DPP10: variants seen among roughly 807,000 people sequenced by gnomAD.
DPP10 encodes the protein inactive dipeptidyl peptidase 10.
DPP10 carries 33 observed loss-of-function variants against 120.9 expected under a neutral mutation model. The ratio of observed to expected loss-of-function variants is 0.27; its 90% CI spans 0.21 to 0.37. The LOEUF (loss-of-function observed/expected upper bound fraction) is 0.37. Ranked by LOEUF, DPP10 falls within the 10% of genes least tolerant of loss-of-function variation. The probability of loss-of-function intolerance (pLI) is 1.00; values close to 1 mark genes in which losing one functional copy is unlikely to be tolerated. For missense variants in DPP10, 816 were observed against 942.8 expected, an observed-to-expected ratio of 0.87 and a Z score of 1.76; for synonymous variants, 337 against 326.1, an observed-to-expected ratio of 1.03 and a Z score of -0.36.
chr2:114,656,941 T>C (rs906788224), intron 1 of DPP10, among the ~76,000 whole-genome samples: 1 of 152,098 alleles, frequency 6.6e-6, no homozygotes, highest in African/African-American at 2.4e-5. Flanking sequence ...AAATAAAAAA[T>C]AAGATCAACT....
intron 9 of DPP10, among the ~76,000 whole-genome samples, chr2:115,744,072 A>G (rs78257408): frequency 0.02 from 3,005 of 150,774 alleles, 127 homozygotes; most frequent in African/African-American, 0.067. Context: ...ATGTTTTATT[A>G]AAATTTGCAC....
chr2:115,681,911 C>A (rs1048956666), intron 5 of DPP10, among the ~76,000 whole-genome samples: 24 of 151,598 alleles, frequency 1.6e-4, no homozygotes, highest in Admixed American at 3.9e-4. Context: ...TGAAGACAAC[C>A]TTTTCTCCAA....
chr2:115,045,940 G>A (rs114572203), intron 1 of DPP10, among the ~76,000 whole-genome samples: 2,711 of 152,166 alleles, frequency 0.018, 75 homozygotes, highest in African/African-American at 0.063. Context: ...AATCTTATGA[G>A]TAATTTTCTC....
intron 5 of DPP10, among the ~76,000 whole-genome samples, chr2:115,629,392 C>T (rs962121087): frequency 1.3e-5 from 2 of 152,038 alleles, no homozygotes; most frequent in African/African-American, 4.8e-5. Context: ...AATTGCCACA[C>T]TGACTTCCAC....
intron 1 of DPP10, among the ~76,000 whole-genome samples, chr2:115,109,212 A>T (rs55851152): frequency 0.21 from 31,300 of 151,970 alleles, 3,962 homozygotes; most frequent in East Asian, 0.36. Flanking sequence ...CTTAACCCTA[A>T]TGCTTTCTAG....
At chr2:114,617,129 G>A (rs1159612488) in intron 1 of DPP10, among the ~76,000 whole-genome samples, 1 of 152,062 alleles carries the variant, frequency 6.6e-6, no homozygotes, top group Admixed American at 6.6e-5. Context: ...AAGTGACAAA[G>A]GAGTGGAAAA....
At chr2:115,722,299 T>C (rs1437375001) in intron 7 of DPP10, among the ~76,000 whole-genome samples, 1 of 151,572 alleles carries the variant, frequency 6.6e-6, no homozygotes, top group South Asian at 2.1e-4. Context: ...TTCCTAGCCT[T>C]TTCTGCTTGA....
intron 1 of DPP10, among the ~76,000 whole-genome samples, chr2:115,266,811 G>A (rs555361234): frequency 6.6e-6 from 1 of 152,262 alleles, no homozygotes; most frequent in South Asian, 2.1e-4. Context: ...TATAATTGCT[G>A]TATAGTGAAA....
intron 1 of DPP10, among the ~76,000 whole-genome samples, chr2:114,893,272 A>G (rs1692690550): frequency 6.6e-6 from 1 of 152,218 alleles, no homozygotes; most frequent in Non-Finnish European, 1.5e-5. Context: ...TATATTGCGT[A>G]TCTATTATGA....
At chr2:115,136,146 A>G (rs1159212329) in intron 1 of DPP10, among the ~76,000 whole-genome samples, 2 of 139,370 alleles carry the variant, frequency 1.4e-5, no homozygotes, top group Non-Finnish European at 1.5e-5. Context: ...ACAAAACAGC[A>G]GCTACCTGGT....
intron 8 of DPP10, among the ~76,000 whole-genome samples, chr2:115,732,770 G>A (rs1003182074): frequency 1.3e-5 from 2 of 152,082 alleles, no homozygotes; most frequent in Admixed American, 6.6e-5. Context: ...ATGCTTAAGT[G>A]ATTTACAGAT....
At chr2:114,671,095 T>C (rs1698307381) in intron 1 of DPP10, among the ~76,000 whole-genome samples, 1 of 152,162 alleles carries the variant, frequency 6.6e-6, no homozygotes, top group East Asian at 1.9e-4. Context: ...CTGGCTAAAC[T>C]ATAGTTATTG....
At chr2:115,064,676 G>T (rs774353896) in intron 1 of DPP10, 5 of 1,295,190 alleles carry the variant, frequency 3.9e-6, no homozygotes, top group South Asian at 1.2e-5. Context: ...ATGAGTGAGT[G>T]ACATGCAAGG....
At position 115,745,725 on chromosome 2, in the gene DPP10, C is replaced by T. The variant is rs140033622; in HGVS notation, c.853-361C>T. On this transcript the variant is annotated intron_variant, in intron 9 of 25. Coordinates refer to ENST00000410059, the MANE Select transcript of DPP10 (RefSeq NM_020868.6). The stretch of plus-strand genomic sequence containing the variant: ...ACCTTCTTCCCATTGCATTTCATAT[C>T]CTCTAATGTGAATAACTACTTGATC... 5.2e-3 allele frequency among the ~76,000 whole-genome samples: 742 copies of T among 142,484 alleles called. 36 individuals carry two copies. The highest frequency in any genetic ancestry group is 7.4e-3 in the Admixed American group (83 of 11,162). The allele number at this position is 142,484 out of a possible 152,430, so 93.5% of individuals were successfully genotyped here.
chr2:115,535,819 G>C (rs956630335), intron 5 of DPP10, among the ~76,000 whole-genome samples: 1 of 151,914 alleles, frequency 6.6e-6, no homozygotes, highest in Admixed American at 6.6e-5. Flanking sequence ...TCCTTGAAGA[G>C]GTCCTTCACC....
intron 1 of DPP10, among the ~76,000 whole-genome samples, chr2:115,215,774 G>T (rs903809780): frequency 5.9e-5 from 9 of 152,080 alleles, no homozygotes; most frequent in African/African-American, 2.2e-4. Flanking sequence ...CACCCCCACA[G>T]AACTAATATG....
chr2:114,788,281 T>A (rs1029834675), intron 1 of DPP10, among the ~76,000 whole-genome samples: 4 of 152,188 alleles, frequency 2.6e-5, no homozygotes, highest in Non-Finnish European at 4.4e-5. Context: ...ATTTTTAATA[T>A]CGAGAAATGC....
At chr2:114,520,010 G>C (rs1485677542) in intron 1 of DPP10, among the ~76,000 whole-genome samples, 1 of 151,998 alleles carries the variant, frequency 6.6e-6, no homozygotes, top group Non-Finnish European at 1.5e-5. Flanking sequence ...CAACAACCAA[G>C]AAAAAAGAAA....
At chr2:114,956,862 A>G (rs1012410245) in intron 1 of DPP10, among the ~76,000 whole-genome samples, 1 of 152,076 alleles carries the variant, frequency 6.6e-6, no homozygotes, top group African/African-American at 2.4e-5. Flanking sequence ...AGTCTCTTCA[A>G]TAACTGGTGT....
Sources: gnomAD v4.1 joint callset for allele counts (sites outside exome capture counted in the v4.1 genomes callset) on GRCh38, gnomAD v4.1.1 for gene constraint, MANE v1.5 for transcripts, NCBI Gene and HGNC (gene_info 2026-07-23, HGNC 2026-07-21) for gene names.